MR1: variants seen among roughly 807,000 people sequenced by gnomAD.
MR1 encodes major histocompatibility complex, class I-related.
MR1 carries 44 observed loss-of-function variants against 37.8 expected under a neutral mutation model. The ratio of observed to expected loss-of-function variants is 1.16; its 90% confidence interval spans 0.91 to 1.50. The LOEUF (loss-of-function observed/expected upper bound fraction) is 1.50. MR1 is among the 40% of genes most tolerant of loss of function. MR1 has a pLI of 0.00. For missense variants in MR1, 386 were observed against 419.1 expected (o/e 0.92, Z 0.69); for synonymous variants, 153 against 155.8 (o/e 0.98, Z 0.13).
Position 181,053,646 on chromosome 1 carries a change from T to A in MR1, c.954T>A (p.Val318=), listed in dbSNP as rs1658448941. Residue 318 remains valine, a synonymous_variant, in exon 5 of 6, where the codon GTT becomes GTA. Transcript: ENST00000367580. ...TCCTTGTCATTGTGCTGGCTGGAGTTGGTGTTCTAGTCTGGAGAAGAAGGC... is the reference window on the plus strand; with the variant it reads ...TCCTTGTCATTGTGCTGGCTGGAGTAGGTGTTCTAGTCTGGAGAAGAAGGC... ...SIVLVIVLAG[V]GVLVWRRRPR... 6.2e-7 allele frequency: 1 copy of A among 1,613,808 alleles called. No homozygotes were observed. Among genetic ancestry groups the A allele is most frequent in the East Asian group, 2.2e-5 (1 of 44,888 alleles).
At chr1:181,053,518 T>C in intron 4 of MR1, 55 bp from the exon 5 acceptor site, 2 of 1,379,666 alleles carry the variant, frequency 1.4e-6, no homozygotes, top group South Asian at 1.2e-5. Flanking sequence ...TCCCAGAAAG[T>C]TAACACAGAA....
chr1:181,034,189 G>A, intron 1 of MR1, 115 bp downstream of exon 1: 1 of 906,876 alleles, frequency 1.1e-6, no homozygotes, highest in Non-Finnish European at 1.7e-6. Context: ...GCAGAAACGT[G>A]TATGTATTAC....
At position 181,050,304 on chromosome 1, in the gene MR1, G is replaced by C. The variant is rs1294658764; in HGVS notation, c.604+18G>C. ...AAGAACAGGTAAAGAGAAAGAGAAG[G>C]CCTCATTCCCACATTGCCTGAACAA... On this transcript the variant is annotated intron_variant, in intron 3 of 5. Transcript: ENST00000367580. The C allele has an allele frequency of 3.1e-6, 5 of 1,613,834 alleles. No homozygotes were observed. The highest frequency in any genetic ancestry group is 4.2e-6 in the Non-Finnish European group (5 of 1,179,900).
upstream of MR1, chr1:181,033,857 C>A (rs112891256): frequency 7.1e-5 from 43 of 601,516 alleles, no homozygotes; most frequent in African/African-American, 7.1e-4. Context: ...GGTGTTCATG[C>A]TTTCATTTTA....
intron 1 of MR1, among the ~76,000 whole-genome samples, chr1:181,044,486 G>A (rs1014861120): frequency 6.6e-6 from 1 of 152,150 alleles, no homozygotes; most frequent in African/African-American, 2.4e-5. Context: ...AGAAGCCCCT[G>A]GATATGGCCC....
At chr1:181,049,541 CT>C in intron 2 of MR1, 1 of 590,868 alleles carries the variant, frequency 1.7e-6, no homozygotes, top group Non-Finnish European at 3.0e-6. Flanking sequence ...TCTTCCCCAT[CT>C]CTGTATCCGT....
chr1:181,052,642 A>G (rs1435796252), intron 4 of MR1, 132 bp downstream of exon 4: 5 of 1,003,566 alleles, frequency 5.0e-6, no homozygotes, highest in Non-Finnish European at 7.1e-6. Context: ...GGTCTTTTAA[A>G]TAAGTGGTTC....
chr1:181,061,842 G>A lies in MR1; in HGVS notation c.*6577G>A, dbSNP rs1255031743. The A allele has an allele frequency of 6.6e-6, 1 of 152,154 alleles. No individual in the cohort carries two copies. The highest frequency in any genetic ancestry group is 1.5e-5 in the Non-Finnish European group (1 of 68,026). The allele number at this position is 152,154 out of a possible 1,614,324, so 9.4% of individuals were successfully genotyped here. A position where few individuals can be genotyped will look rare whatever the true frequency, so the allele number is the denominator to read the frequency against. On this transcript the variant is annotated 3_prime_UTR_variant, in exon 6 of 6. Coordinates refer to ENST00000367580, the MANE Select transcript of MR1 (RefSeq NM_001385161.1). Reference sequence around the variant, plus strand: ...CACTCAAGATCATATAACATTCCAGGTACTCAGGATGAATGGTTTGAGGAC... The same window carrying A: ...CACTCAAGATCATATAACATTCCAGATACTCAGGATGAATGGTTTGAGGAC...
Position 181,053,565 on chromosome 1 carries a change from G to T in MR1, c.881-8G>T. On this transcript the variant is annotated splice_region_variant and splice_polypyrimidine_tract_variant and intron_variant, in intron 4 of 5. Coordinates refer to ENST00000367580, the MANE Select transcript of MR1 (RefSeq NM_001385161.1). ...CTTGTGGATTTTTTCTCATTTGCTT[G>T]CTTTCAGAATCAGAAACTATCCCTC... is the stretch of plus-strand genomic sequence containing the variant. 6.2e-7 allele frequency: 1 copy of T among 1,605,264 alleles called. No homozygotes were observed. Among genetic ancestry groups the T allele is most frequent in the Non-Finnish European group, 8.5e-7 (1 of 1,172,114 alleles).
chr1:181,045,827 T>C (rs925937462), intron 1 of MR1, among the ~76,000 whole-genome samples: 5 of 151,882 alleles, frequency 3.3e-5, no homozygotes, highest in Non-Finnish European at 7.4e-5. Flanking sequence ...TGCAGGGAGG[T>C]GTGGAGGGAG....
At chr1:181,037,918 C>T (rs1446694118) in intron 1 of MR1, among the ~76,000 whole-genome samples, 1 of 152,212 alleles carries the variant, frequency 6.6e-6, no homozygotes, top group Non-Finnish European at 1.5e-5. Context: ...ATTCACATCT[C>T]TGCTCAAATG....
rs138270245 is a variant in MR1 at position 181,050,556 on chromosome 1, A to G, written c.604+270A>G. 3,867 of 441,128 alleles carry G rather than the reference A, an allele frequency of 8.8e-3. 29 individuals are homozygous for G. The highest frequency in any genetic ancestry group is 0.025 in the Middle Eastern group (37 of 1,510). The allele number at this position is 441,128 out of a possible 1,614,324, so 27.3% of individuals were successfully genotyped here. A position where few individuals can be genotyped will look rare whatever the true frequency, so the allele number is the denominator to read the frequency against. On this transcript the variant is annotated intron_variant, in intron 3 of 5. Coordinates refer to ENST00000367580, the MANE Select transcript of MR1 (RefSeq NM_001385161.1). ...GGGATCTATTGAGGCAAATTCTTCC[A>G]TTCCGTCAATGATAAGCTGGGAAAT... is the stretch of plus-strand genomic sequence containing the variant.
Position 181,056,333 on chromosome 1 carries a change from C to T in MR1, c.*1068C>T, listed in dbSNP as rs1036087483. 6.6e-6 allele frequency: 1 copy of T among 151,418 alleles called. No individual in the cohort carries two copies. The highest frequency in any genetic ancestry group is 2.4e-5 in the African/African-American group (1 of 41,248). 9.4% of individuals were successfully genotyped at this position (151,418 alleles called of 1,614,324 possible). A position where few individuals can be genotyped will look rare whatever the true frequency, so the allele number is the denominator to read the frequency against. On this transcript the variant is annotated 3_prime_UTR_variant, in exon 6 of 6. Transcript: ENST00000367580. ...GAGCCGAGATCACGCCACTGCACTCCAGCCTGGCGACAGAGTGAGACTCTA... is the reference window on the plus strand; with the variant it reads ...GAGCCGAGATCACGCCACTGCACTCTAGCCTGGCGACAGAGTGAGACTCTA...
upstream of MR1, chr1:181,033,946 C>G: frequency 6.8e-7 from 1 of 1,461,290 alleles, no homozygotes. Flanking sequence ...TGTGTGTCAC[C>G]AAGAGGTTCT....
At chr1:181,038,180 T>C (rs1657369507) in intron 1 of MR1, among the ~76,000 whole-genome samples, 1 of 152,188 alleles carries the variant, frequency 6.6e-6, no homozygotes. Context: ...AAGTGAGACA[T>C]TGGCAACCTT....
At chr1:181,041,890 T>G (rs1657572398) in intron 1 of MR1, among the ~76,000 whole-genome samples, 1 of 152,014 alleles carries the variant, frequency 6.6e-6, no homozygotes. Context: ...GTAGACTCCA[T>G]GAGGGCAGAC....
chr1:181,050,827 A>G (rs901578963), intron 3 of MR1: 1 of 159,198 alleles, frequency 6.3e-6, no homozygotes, highest in Non-Finnish European at 1.4e-5. Context: ...CCCTGTCTCT[A>G]TTAAAAAAAA....
At chr1:181,051,262 A>C (rs1010619960) in intron 3 of MR1, 4 of 137,062 alleles carry the variant, frequency 2.9e-5, no homozygotes, top group African/African-American at 1.2e-4. Context: ...AAAAACAAAC[A>C]AAAAAAAAAA....
chr1:181,033,840 CGAA>C (rs564441017), upstream of MR1: 106 of 562,434 alleles, frequency 1.9e-4, 1 homozygote, highest in South Asian at 2.6e-3. Flanking sequence ...TAAAAGTTAC[CGAA>C]GAAGGTGTTC....
Sources: allele counts gnomAD v4.1 joint callset (sites outside exome capture counted in the v4.1 genomes callset), GRCh38; gene constraint gnomAD v4.1.1; transcripts MANE v1.5; gene names NCBI Gene and HGNC (gene_info 2026-07-23, HGNC 2026-07-21).